EXOC4: variants seen among roughly 807,000 people sequenced by gnomAD.
The protein encoded by EXOC4 is exocyst complex component 4.
A neutral mutation model predicts 107.2 loss-of-function variants in EXOC4; 71 were observed. The observed-to-expected ratio is 0.66, with a 90% CI of 0.55 to 0.81. EXOC4 has a LOEUF of 0.81. Among genes scored for constraint, EXOC4 ranks in the 30% least tolerant of loss-of-function variants. The pLI, the probability that EXOC4 is intolerant of heterozygous loss-of-function variation, is 0.00. For missense variants in EXOC4, 1,108 were observed against 1,189.6 expected (o/e 0.93, Z 1.01); for synonymous variants, 456 against 441.2 (o/e 1.03, Z -0.42).
intron 2 of EXOC4, among the ~76,000 whole-genome samples, chr7:133,275,672 G>C (rs778139062): frequency 6.6e-6 from 1 of 152,194 alleles, no homozygotes; most frequent in Non-Finnish European, 1.5e-5. Flanking sequence ...CCAAACCACA[G>C]AAGCGAGAAT....
chr7:133,441,401 T>G (rs750086974), intron 7 of EXOC4, among the ~76,000 whole-genome samples: 33 of 152,282 alleles, frequency 2.2e-4, no homozygotes, highest in Non-Finnish European at 4.3e-4. Flanking sequence ...TCTTTTTGCC[T>G]TGTTTTTGAG....
At chr7:133,342,653 A>G (rs1264174188) in intron 5 of EXOC4, among the ~76,000 whole-genome samples, 7 of 149,110 alleles carry the variant, frequency 4.7e-5, no homozygotes, top group African/African-American at 7.8e-5. Context: ...CCTCAGGAAC[A>G]CCAATTAATT....
At chr7:133,434,457 C>A (rs1043567801) in intron 7 of EXOC4, among the ~76,000 whole-genome samples, 3 of 152,140 alleles carry the variant, frequency 2.0e-5, no homozygotes, top group Non-Finnish European at 4.4e-5. Context: ...CTGAGCTCCC[C>A]CCTCTGGCAT....
At chr7:133,942,187 C>A (rs1314287615) in intron 14 of EXOC4, among the ~76,000 whole-genome samples, 2 of 151,976 alleles carry the variant, frequency 1.3e-5, no homozygotes, top group African/African-American at 2.4e-5. Context: ...TTCTCTCTAT[C>A]TTGGATTCTG....
chr7:133,517,641 C>A (rs545438823), intron 9 of EXOC4, among the ~76,000 whole-genome samples: 4 of 152,050 alleles, frequency 2.6e-5, no homozygotes, highest in Non-Finnish European at 5.9e-5. Flanking sequence ...TCAGATCTTG[C>A]GAGACTTATT....
chr7:133,423,396 G>A (rs938364224), intron 7 of EXOC4, among the ~76,000 whole-genome samples: 3 of 152,138 alleles, frequency 2.0e-5, no homozygotes, highest in Admixed American at 6.5e-5. Flanking sequence ...GTCGTCTTTT[G>A]TCCTCACTTT....
At chr7:133,494,555 C>T (rs189245485) in intron 9 of EXOC4, among the ~76,000 whole-genome samples, 1 of 152,324 alleles carries the variant, frequency 6.6e-6, no homozygotes, top group Non-Finnish European at 1.5e-5. Flanking sequence ...TCCATATCCA[C>T]TTAAATATGT....
At chr7:133,472,179 G>C (rs138601026) in intron 7 of EXOC4, among the ~76,000 whole-genome samples, 1 of 152,326 alleles carries the variant, frequency 6.6e-6, no homozygotes, top group East Asian at 1.9e-4. Context: ...ATGATGAAAG[G>C]AGTAGCCTTC....
intron 10 of EXOC4, chr7:133,768,496 T>C (rs1204666353): frequency 6.6e-6 from 1 of 151,922 alleles, no homozygotes; most frequent in Non-Finnish European, 1.5e-5. Flanking sequence ...ACTGGTTCTC[T>C]AGGAACCTAA....
intron 7 of EXOC4, among the ~76,000 whole-genome samples, chr7:133,398,287 A>G (rs1797015688): frequency 6.6e-6 from 1 of 152,208 alleles, no homozygotes; most frequent in Admixed American, 6.5e-5. Flanking sequence ...CACTCCAGCA[A>G]TGACACAGTT....
intron 9 of EXOC4, among the ~76,000 whole-genome samples, chr7:133,533,461 G>A (rs1305987542): frequency 6.6e-6 from 1 of 152,052 alleles, no homozygotes; most frequent in Non-Finnish European, 1.5e-5. Context: ...AAATCTTTCG[G>A]AATTAAATTC....
intron 4 of EXOC4, among the ~76,000 whole-genome samples, chr7:133,311,568 A>G (rs1245038627): frequency 2.0e-5 from 3 of 152,204 alleles, no homozygotes; most frequent in Non-Finnish European, 4.4e-5. Flanking sequence ...ATAGCACTGT[A>G]TTAGCATTAG....
chr7:133,397,108 G>A (rs919363434), intron 7 of EXOC4, among the ~76,000 whole-genome samples: 104 of 135,852 alleles, frequency 7.7e-4, no homozygotes, highest in African/African-American at 2.6e-3. Flanking sequence ...CCTCTTGTTT[G>A]TTTTTGTTTC....
chr7:133,295,485 A>G (rs1794499132), intron 3 of EXOC4, among the ~76,000 whole-genome samples: 1 of 152,174 alleles, frequency 6.6e-6, no homozygotes, highest in Admixed American at 6.6e-5. Flanking sequence ...TGAGCTTGTA[A>G]AATCTACTTT....
intron 9 of EXOC4, among the ~76,000 whole-genome samples, chr7:133,545,373 G>T (rs1399194439): frequency 6.6e-6 from 1 of 151,972 alleles, no homozygotes; most frequent in Admixed American, 6.6e-5. Flanking sequence ...TTGTTCAGGG[G>T]ATTAAATAAG....
At chr7:133,978,555 A>G (rs1353347338) in intron 14 of EXOC4, among the ~76,000 whole-genome samples, 5 of 152,242 alleles carry the variant, frequency 3.3e-5, no homozygotes, top group Non-Finnish European at 7.3e-5. Flanking sequence ...TATTTCAAGC[A>G]AGAAGGAATT....
the EXOC4 span, among the ~76,000 whole-genome samples, chr7:134,074,881 G>C: frequency 6.6e-6 from 1 of 152,292 alleles, no homozygotes; most frequent in African/African-American, 2.4e-5. Context: ...GTAGACTATC[G>C]TTAGTCAAAT....
chr7:133,598,648 G>A (rs1033868108), intron 9 of EXOC4, among the ~76,000 whole-genome samples: 3 of 152,116 alleles, frequency 2.0e-5, no homozygotes, highest in Non-Finnish European at 4.4e-5. Flanking sequence ...AGGTATTTCC[G>A]ATGAACATTT....
intron 10 of EXOC4, among the ~76,000 whole-genome samples, chr7:133,784,549 G>C (rs1459923376): frequency 6.6e-6 from 1 of 152,160 alleles, no homozygotes; most frequent in Non-Finnish European, 1.5e-5. Context: ...TCAGGGAGCT[G>C]ACAGTCCAGG....
Sources: gnomAD v4.1 joint callset for allele counts (sites outside exome capture counted in the v4.1 genomes callset) on GRCh38, gnomAD v4.1.1 for gene constraint, MANE v1.5 for transcripts, NCBI Gene and HGNC (gene_info 2026-07-23, HGNC 2026-07-21) for gene names.